Variants in MAGI3 observed in about 807,000 individuals in gnomAD.
MAGI3 encodes the protein membrane associated guanylate kinase, WW and PDZ domain containing 3, also known as membrane-associated guanylate kinase, WW and PDZ domain-containing protein 3.
Under a neutral mutation model 121.8 loss-of-function variants are expected in MAGI3, and 43 were observed. That is an observed-to-expected ratio of 0.35 (90% CI 0.28 to 0.46). MAGI3 has a LOEUF of 0.46. MAGI3 is among the 20% of genes least tolerant of loss of function. MAGI3 has a pLI of 1.00. For synonymous variants in MAGI3, 553 were observed against 639.3 expected, an observed-to-expected ratio of 0.86 and a Z score of 2.04; for missense variants, 1,547 against 1,797.3, an observed-to-expected ratio of 0.86 and a Z score of 2.52.
chr1:113,626,267 G>A (rs1261334557), intron 9 of MAGI3, among the ~76,000 whole-genome samples: 1 of 152,170 alleles, frequency 6.6e-6, no homozygotes, highest in Non-Finnish European at 1.5e-5. Context: ...GTATCACACT[G>A]ATTATTTGCA....
At chr1:113,671,342 C>T (rs1482037623) in intron 16 of MAGI3, among the ~76,000 whole-genome samples, 1 of 151,944 alleles carries the variant, frequency 6.6e-6, no homozygotes, top group Non-Finnish European at 1.5e-5. Context: ...TCCTGAGACC[C>T]GGCTTTGTTA....
intron 1 of MAGI3, among the ~76,000 whole-genome samples, chr1:113,402,085 C>A (rs899521126): frequency 4.6e-5 from 7 of 152,278 alleles, no homozygotes; most frequent in African/African-American, 1.7e-4. Context: ...AGAGCAGAGA[C>A]TAGAACTCAG....
At chr1:113,405,770 TCTCTGTA>T (rs1651651314) in intron 1 of MAGI3, among the ~76,000 whole-genome samples, 2 of 152,146 alleles carry the variant, frequency 1.3e-5, no homozygotes, top group African/African-American at 4.8e-5. Context: ...AGTTTTGTTT[TCTCTGTA>T]CTCCGATTGC....
intron 1 of MAGI3, among the ~76,000 whole-genome samples, chr1:113,438,821 A>G (rs562729686): frequency 9.2e-5 from 14 of 152,380 alleles, no homozygotes; most frequent in South Asian, 4.1e-4. Flanking sequence ...AAACTCTATC[A>G]GGTGCAGTAG....
chr1:113,549,392 G>T, intron 1 of MAGI3, 123 bp from the exon 2 acceptor site: 1 of 496,100 alleles, frequency 2.0e-6, no homozygotes, highest in Non-Finnish European at 3.6e-6. Context: ...AAAATTCTCT[G>T]ATTTCTTTAT....
intron 1 of MAGI3, among the ~76,000 whole-genome samples, chr1:113,397,244 G>A (rs1651163789): frequency 6.6e-6 from 1 of 152,174 alleles, no homozygotes; most frequent in African/African-American, 2.4e-5. Context: ...GGTATGTACA[G>A]TGAATTTATG....
At chr1:113,539,025 T>G (rs978734587) in intron 1 of MAGI3, among the ~76,000 whole-genome samples, 5 of 152,204 alleles carry the variant, frequency 3.3e-5, no homozygotes, top group Non-Finnish European at 5.9e-5. Context: ...AACTTTTTTT[T>G]TCATTATAGT....
chr1:113,481,286 T>G (rs1430768625), intron 1 of MAGI3, among the ~76,000 whole-genome samples: 1 of 152,200 alleles, frequency 6.6e-6, no homozygotes, highest in Non-Finnish European at 1.5e-5. Context: ...ACCCCAAATC[T>G]TATAAACCTA....
chr1:113,681,094 C>T (rs1221230663), intron 19 of MAGI3, 104 bp from the exon 20 acceptor site: 6 of 1,366,768 alleles, frequency 4.4e-6, no homozygotes, highest in Non-Finnish European at 4.0e-6. Flanking sequence ...ATTTTACAAA[C>T]GAAAGAATCA....
At chr1:113,603,823 G>GTAAAAAGTGGA (rs1166011362) in intron 6 of MAGI3, among the ~76,000 whole-genome samples, 3 of 151,854 alleles carry the variant, frequency 2.0e-5, no homozygotes, top group Non-Finnish European at 4.4e-5. Context: ...CCACCAAAAG[G>GTAAAAAGTGGA]TAAAAAGTGG....
At chr1:113,642,931 T>C (rs988505314) in intron 10 of MAGI3, among the ~76,000 whole-genome samples, 1 of 152,256 alleles carries the variant, frequency 6.6e-6, no homozygotes, top group South Asian at 2.1e-4. Context: ...TTGAAAGAGC[T>C]AGCATCTCTG....
Position 113,649,100 on chromosome 1 carries a change from C to T in MAGI3, c.2156-137C>T, listed in dbSNP as rs1307218419. The T allele has an allele frequency of 5.1e-6, 3 of 586,344 alleles. No individual in the cohort carries two copies. The African/African-American group carries it at 5.7e-5, about 11-fold the overall frequency. The allele number at this position is 586,344 out of a possible 1,614,324, so 36.3% of individuals were successfully genotyped here. On this transcript the variant is annotated intron_variant, in intron 12 of 20. Coordinates refer to ENST00000307546, the MANE Select transcript of MAGI3 (RefSeq NM_001142782.2). ...TGTGTGTGTGTGTTACACTCTTGTG[C>T]AAATTTTCCATATTAAAAAGTTCTG...
chr1:113,657,143 AG>A lies in MAGI3; in HGVS notation c.2630-1936del, dbSNP rs1653519744. On this transcript the variant is annotated intron_variant, in intron 15 of 20. Coordinates refer to ENST00000307546, the MANE Select transcript of MAGI3 (RefSeq NM_001142782.2). Reference sequence around the variant, plus strand: ...AGGCTATGAGACAGATTTAGGCCAAAGATGAATGAAGATGGATAAGTTGGCT... The same window carrying A: ...AGGCTATGAGACAGATTTAGGCCAAAATGAATGAAGATGGATAAGTTGGCT... Among the ~76,000 whole-genome samples, 3 of 152,360 alleles carry A rather than the reference AG, an allele frequency of 2.0e-5. No individual in the cohort carries two copies. In the South Asian group the frequency reaches 6.2e-4, roughly 32 times the overall value.
intron 2 of MAGI3, among the ~76,000 whole-genome samples, chr1:113,563,873 C>T (rs1660335180): frequency 6.6e-6 from 1 of 152,202 alleles, no homozygotes; most frequent in Non-Finnish European, 1.5e-5. Flanking sequence ...CTCAGGCAAC[C>T]CAGGAAAATT....
intron 1 of MAGI3, among the ~76,000 whole-genome samples, chr1:113,507,879 G>T (rs1031584933): frequency 6.6e-6 from 1 of 152,194 alleles, no homozygotes; most frequent in African/African-American, 2.4e-5. Flanking sequence ...CCAGTGGAAA[G>T]AGAGAGGTTC....
rs1301948599 is a variant in MAGI3 at position 113,681,227 on chromosome 1, G to T, written c.3219G>T (p.Gly1073=). ...GTGACCAGATTGTTGAAATCAATGG[G>T]GAACCTACACAAGGAATCACACATA... is the stretch of plus-strand genomic sequence containing the variant. The part of the protein sequence containing the change: ...HVGDQIVEIN[G]EPTQGITHTR... Residue 1073 remains glycine (G), a synonymous_variant, in exon 20 of 21, where the codon GGG becomes GGT. Coordinates refer to ENST00000307546, the MANE Select transcript of MAGI3 (RefSeq NM_001142782.2). 1 of 1,613,702 alleles carries T rather than the reference G, an allele frequency of 6.2e-7. No individual in the cohort carries two copies. The highest frequency in any genetic ancestry group is 1.7e-5 in the Admixed American group (1 of 59,920).
intron 6 of MAGI3, among the ~76,000 whole-genome samples, chr1:113,598,410 C>A (rs1375924620): frequency 6.6e-6 from 1 of 151,958 alleles, no homozygotes; most frequent in East Asian, 1.9e-4. Flanking sequence ...AATTCACAAA[C>A]CAAATATCTG....
chr1:113,630,708 C>T (rs915770388), intron 9 of MAGI3, among the ~76,000 whole-genome samples: 1 of 152,186 alleles, frequency 6.6e-6, no homozygotes, highest in Non-Finnish European at 1.5e-5. Flanking sequence ...CAGGGCAGCA[C>T]TGAGTTCAAT....
chr1:113,585,304 A>G, intron 3 of MAGI3, 83 bp from the exon 4 acceptor site: 4 of 1,276,948 alleles, frequency 3.1e-6, no homozygotes, highest in East Asian at 2.4e-5. Context: ...TGTGAAAAAC[A>G]GGGCAGAGAC....
Sources: allele counts gnomAD v4.1 joint callset (sites outside exome capture counted in the v4.1 genomes callset), GRCh38; gene constraint gnomAD v4.1.1; transcripts MANE v1.5; gene names NCBI Gene and HGNC (gene_info 2026-07-23, HGNC 2026-07-21).